Variants in DHRS7B observed in about 807,000 individuals in gnomAD.
DHRS7B encodes peroxisomal reductase activating PPAR-gamma.
A neutral mutation model predicts 26.4 loss-of-function variants in DHRS7B; 24 were observed. That is an observed-to-expected ratio of 0.91 (90% CI 0.66 to 1.28). The LOEUF is 1.28. Ranked by LOEUF, DHRS7B falls within the 50% of genes most tolerant of loss-of-function variation. The pLI is 0.00. For synonymous variants in DHRS7B, 142 were observed against 166.4 expected, an observed-to-expected ratio of 0.85 and a Z score of 1.13; for missense variants, 368 against 419.4, an observed-to-expected ratio of 0.88 and a Z score of 1.07.
chr17:21,188,644 T>C, intron 5 of DHRS7B, 67 bp from the exon 6 acceptor site: 3 of 1,477,614 alleles, frequency 2.0e-6, no homozygotes, highest in Non-Finnish European at 2.7e-6. Flanking sequence ...TGGTAGTGAA[T>C]AGTTGGGCAC....
chr17:21,163,193 C>CAAA (rs66531165), intron 1 of DHRS7B, among the ~76,000 whole-genome samples: 67 of 145,360 alleles, frequency 4.6e-4, no homozygotes, highest in East Asian at 1.0e-3. Flanking sequence ...AAGACTGTCT[C>CAAA]AAAAAAAAAA....
chr17:21,185,841 G>C (rs8079924), intron 5 of DHRS7B, among the ~76,000 whole-genome samples: 11,606 of 141,916 alleles, frequency 0.082, 761 homozygotes, highest in African/African-American at 0.19. Flanking sequence ...GCGTGTACCA[G>C]CACACCTGGC....
intron 1 of DHRS7B, among the ~76,000 whole-genome samples, chr17:21,145,363 T>C (rs1286312878): frequency 6.6e-6 from 1 of 152,066 alleles, no homozygotes; most frequent in Non-Finnish European, 1.5e-5. Flanking sequence ...TTTTAAATTA[T>C]AGTACTTAAT....
At chr17:21,189,874 G>C (rs1974737870) in intron 6 of DHRS7B, among the ~76,000 whole-genome samples, 1 of 152,224 alleles carries the variant, frequency 6.6e-6, no homozygotes. Flanking sequence ...CAACTTAAGA[G>C]TGGTTTCATA....
intron 2 of DHRS7B, among the ~76,000 whole-genome samples, chr17:21,177,276 T>G (rs1206277897): frequency 6.6e-6 from 1 of 152,232 alleles, no homozygotes; most frequent in Non-Finnish European, 1.5e-5. Context: ...CAGCCAGCAC[T>G]TGGGTCCCTC....
rs890898676 is a variant in DHRS7B at position 21,165,942 on chromosome 17, A to G, written c.21-6076A>G. Among the ~76,000 whole-genome samples the G allele has an allele frequency of 4.0e-5, 6 of 150,698 alleles. No individual in the cohort carries two copies. The South Asian group carries it at 1.3e-3, about 32-fold the overall frequency. On this transcript the variant is annotated intron_variant, in intron 1 of 6. Coordinates refer to ENST00000395511, the MANE Select transcript of DHRS7B (RefSeq NM_015510.5). ...AAAAAAAAAAAAAAAAAACCACATT[A>G]AAAACCAAAATTGTGTGTGTCCAAG...
chr17:21,127,380 C>T (rs1448484138), intron 1 of DHRS7B: 9 of 212,996 alleles, frequency 4.2e-5, no homozygotes, highest in African/African-American at 9.2e-5. Context: ...CTGCGAGTGG[C>T]AGGACCGAGG....
At chr17:21,132,896 T>C (rs1973270282) in intron 1 of DHRS7B, among the ~76,000 whole-genome samples, 1 of 152,202 alleles carries the variant, frequency 6.6e-6, no homozygotes, top group Non-Finnish European at 1.5e-5. Context: ...TAAAGGATTT[T>C]TTTTTTTACA....
chr17:21,166,328 C>G, intron 1 of DHRS7B: 1 of 985,416 alleles, frequency 1.0e-6, no homozygotes, highest in Non-Finnish European at 1.2e-6. Flanking sequence ...TCTGAAAATA[C>G]ACCCCACAGG....
At chr17:21,170,480 A>G (rs1974215575) in intron 1 of DHRS7B, among the ~76,000 whole-genome samples, 1 of 152,226 alleles carries the variant, frequency 6.6e-6, no homozygotes, top group Non-Finnish European at 1.5e-5. Flanking sequence ...GAGGCTTGGC[A>G]TAGTGTAGGG....
chr17:21,181,028 T>C (rs1325118371), intron 3 of DHRS7B, among the ~76,000 whole-genome samples: 1 of 152,228 alleles, frequency 6.6e-6, no homozygotes, highest in Non-Finnish European at 1.5e-5. Flanking sequence ...GCCAAGTGTT[T>C]GTCTTAGTCT....
intron 1 of DHRS7B, among the ~76,000 whole-genome samples, chr17:21,155,736 TA>T (rs1360717896): frequency 2.0e-5 from 3 of 152,094 alleles, no homozygotes; most frequent in Admixed American, 2.0e-4. Flanking sequence ...CACACCTTAA[TA>T]AATATAAAGG....
At chr17:21,138,101 T>TATATATATATACACACAC (rs1555536219) in intron 1 of DHRS7B, among the ~76,000 whole-genome samples, 1 of 86,146 alleles carries the variant, frequency 1.2e-5, no homozygotes, top group African/African-American at 5.6e-5. Flanking sequence ...TATATATATA[T>TATATATATATACACACAC]ACACACACAC....
chr17:21,138,089 T>C (rs1192957544), intron 1 of DHRS7B, among the ~76,000 whole-genome samples: 95 of 57,526 alleles, frequency 1.7e-3, no homozygotes, highest in African/African-American at 6.7e-3. Context: ...TATATATATA[T>C]ATATATATAT....
rs114355045 is a variant in DHRS7B at position 21,173,111 on chromosome 17, G to T, written c.199+915G>T. Among the ~76,000 whole-genome samples, 1,256 of 152,344 alleles carry T rather than the reference G, an allele frequency of 8.2e-3. 27 individuals carry two copies. The highest frequency in any genetic ancestry group is 0.028 in the African/African-American group (1,184 of 41,564). On this transcript the variant is annotated intron_variant, in intron 2 of 6. Coordinates refer to ENST00000395511, the MANE Select transcript of DHRS7B (RefSeq NM_015510.5). ...TGCTAAAGTGGGAGGCTCTGGGTCAGGTTCTAGAACAAACAGATGAAAGAC... is the reference window on the plus strand; with the variant it reads ...TGCTAAAGTGGGAGGCTCTGGGTCATGTTCTAGAACAAACAGATGAAAGAC...
intron 1 of DHRS7B, among the ~76,000 whole-genome samples, chr17:21,142,563 A>T (rs908261249): frequency 2.8e-4 from 43 of 152,314 alleles, no homozygotes; most frequent in African/African-American, 9.9e-4. Context: ...GTTGGGGAAC[A>T]GCTTAGTTTT....
Position 21,172,130 on chromosome 17 carries a change from C to T in DHRS7B, c.133C>T (p.Arg45Cys), listed in dbSNP as rs374791066. The T allele has an allele frequency of 9.3e-6, 15 of 1,613,902 alleles. No individual in the cohort carries two copies. The highest frequency in any genetic ancestry group is 6.7e-5 in the African/African-American group (5 of 74,906). The part of the protein sequence containing the change: ...FGLFRLLQWV[R>C]GKAYLRNAVV... ...CCTCTTCCGGCTGCTGCAGTGGGTG[C>T]GCGGGAAGGCCTACCTGCGGAATGC... The change falls in exon 2 of 7, where the codon CGC becomes TGC. Residue 45 changes from arginine (R) to cysteine (C), a missense_variant. By Grantham distance (180) the Arg-to-Cys change is radical. Transcript: ENST00000395511.
chr17:21,172,038 A>G lies in DHRS7B; in HGVS notation c.41A>G (p.Lys14Arg). 6.2e-7 allele frequency: 1 copy of G among 1,614,142 alleles called. No individual in the cohort carries two copies. Among genetic ancestry groups the G allele is most frequent in the Non-Finnish European group, 8.5e-7 (1 of 1,180,024 alleles). ...PATRKSLPKV[K>R]AMDFITSTAI... The stretch of plus-strand genomic sequence containing the variant: ...TCCAGGAAGAGTCTGCCGAAGGTGA[A>G]GGCCATGGACTTCATCACCTCCACA... Residue 14 changes from lysine (K) to arginine (R), a missense_variant, in exon 2 of 7, where the codon AAG becomes AGG. Transcript: ENST00000395511.
At chr17:21,149,067 G>C (rs1401386546) in intron 1 of DHRS7B, among the ~76,000 whole-genome samples, 1 of 151,962 alleles carries the variant, frequency 6.6e-6, no homozygotes, top group Non-Finnish European at 1.5e-5. Context: ...AGAGCAGCAA[G>C]AAAAAAGAAG....
Sources: allele counts gnomAD v4.1 joint callset (sites outside exome capture counted in the v4.1 genomes callset), GRCh38; gene constraint gnomAD v4.1.1; transcripts MANE v1.5; gene names NCBI Gene and HGNC (gene_info 2026-07-23, HGNC 2026-07-21).